The following MCF2L2 variants were observed in gnomAD, a reference collection of about 807,000 sequenced individuals.
The protein encoded by MCF2L2 is MCF.2 cell line derived transforming sequence-like 2, also known as probable guanine nucleotide exchange factor MCF2L2.
In MCF2L2, 102 loss-of-function variants were observed where a neutral mutation model predicts 150.2. The observed-to-expected ratio is 0.68, with a 90% CI of 0.58 to 0.80. The LOEUF (loss-of-function observed/expected upper bound fraction) is 0.80, where lower values mean the gene tolerates loss of function less well. MCF2L2 is among the 30% of genes least tolerant of loss of function. The probability of loss-of-function intolerance (pLI) is 0.00; values close to 1 mark genes in which losing one functional copy is unlikely to be tolerated. For synonymous variants in MCF2L2, 465 were observed against 491.3 expected (o/e 0.95, Z 0.71); for missense variants, 1,256 against 1,372.8 (o/e 0.91, Z 1.34).
intron 1 of MCF2L2, among the ~76,000 whole-genome samples, chr3:183,391,865 T>C (rs1398498920): frequency 1.3e-5 from 2 of 152,172 alleles, no homozygotes; most frequent in Non-Finnish European, 2.9e-5. Flanking sequence ...TTCAGTATTA[T>C]TTGTTCATAC....
intron 15 of MCF2L2, among the ~76,000 whole-genome samples, chr3:183,232,459 A>G (rs1723602419): frequency 6.6e-6 from 1 of 152,200 alleles, no homozygotes; most frequent in African/African-American, 2.4e-5. Flanking sequence ...TATCCCAGAC[A>G]GACTTTCTTT....
intron 1 of MCF2L2, among the ~76,000 whole-genome samples, chr3:183,390,145 T>C (rs1714057780): frequency 2.0e-5 from 3 of 152,168 alleles, no homozygotes; most frequent in African/African-American, 7.2e-5. Context: ...GAAGGACATT[T>C]TAAACACAAA....
intron 17 of MCF2L2, among the ~76,000 whole-genome samples, chr3:183,228,793 G>A (rs1236408150): frequency 6.6e-6 from 1 of 152,086 alleles, no homozygotes; most frequent in Non-Finnish European, 1.5e-5. Flanking sequence ...TGAAAGTAAC[G>A]TTCATAAGAA....
At chr3:183,189,122 A>G (rs1721792958) in intron 27 of MCF2L2, among the ~76,000 whole-genome samples, 2 of 152,192 alleles carry the variant, frequency 1.3e-5, no homozygotes, top group Admixed American at 1.3e-4. Context: ...AAGTGGTAGC[A>G]GCTAGAGCAG....
At chr3:183,194,411 A>G (rs897695766) in intron 26 of MCF2L2, among the ~76,000 whole-genome samples, 1 of 152,240 alleles carries the variant, frequency 6.6e-6, no homozygotes, top group Non-Finnish European at 1.5e-5. Flanking sequence ...GTGTGAGCAC[A>G]TCTTCCTCCC....
intron 20 of MCF2L2, 32 bp downstream of exon 20, chr3:183,223,310 TCCCA>T (rs1723211512): frequency 6.6e-7 from 1 of 1,522,492 alleles, no homozygotes; most frequent in Admixed American, 1.7e-5. Context: ...GCGTCTGGTT[TCCCA>T]CCAAGGAAAA....
At chr3:183,377,288 T>C (rs919118325) in intron 3 of MCF2L2, 1 of 152,166 alleles carries the variant, frequency 6.6e-6, no homozygotes, top group Non-Finnish European at 1.5e-5. Context: ...TGAGAACATG[T>C]GGTGTTTGGT....
chr3:183,349,593 T>A (rs1464593157), intron 3 of MCF2L2, among the ~76,000 whole-genome samples: 1 of 152,244 alleles, frequency 6.6e-6, no homozygotes, highest in Non-Finnish European at 1.5e-5. Flanking sequence ...TAGTCATAGC[T>A]GCTATTTATT....
At chr3:183,409,241 A>AT (rs147172878) in intron 1 of MCF2L2, among the ~76,000 whole-genome samples, 6,418 of 152,140 alleles carry the variant, frequency 0.042, 223 homozygotes, top group Non-Finnish European at 0.052. Flanking sequence ...TTTCTATTTG[A>AT]TTTTTTCAAA....
chr3:183,209,119 A>G (rs1222235259), intron 22 of MCF2L2, among the ~76,000 whole-genome samples: 1 of 152,232 alleles, frequency 6.6e-6, no homozygotes, highest in South Asian at 2.1e-4. Flanking sequence ...TAGGTCCATG[A>G]GGACCCTGGA....
At chr3:183,343,154 C>T (rs942906917) in intron 3 of MCF2L2, among the ~76,000 whole-genome samples, 1 of 152,028 alleles carries the variant, frequency 6.6e-6, no homozygotes, top group Non-Finnish European at 1.5e-5. Flanking sequence ...CAAAAACAAA[C>T]AAAACACTGG....
At chr3:183,291,700 C>T (rs916998823) in intron 13 of MCF2L2, among the ~76,000 whole-genome samples, 2 of 152,164 alleles carry the variant, frequency 1.3e-5, no homozygotes, top group African/African-American at 4.8e-5. Context: ...TGCTGGAGTC[C>T]ACACTCAGTA....
chr3:183,218,645 A>G (rs980990811), intron 21 of MCF2L2, among the ~76,000 whole-genome samples: 2 of 151,908 alleles, frequency 1.3e-5, no homozygotes, highest in African/African-American at 4.9e-5. Flanking sequence ...AAAAAATAAA[A>G]AAATAAGAAA....
At chr3:183,357,851 G>GA (rs35010055) in intron 3 of MCF2L2, among the ~76,000 whole-genome samples, 32,499 of 124,102 alleles carry the variant, frequency 0.26, 4,491 homozygotes, top group African/African-American at 0.43. Context: ...AAAATGTCCA[G>GA]AAAAAAAAAA....
intron 15 of MCF2L2, among the ~76,000 whole-genome samples, chr3:183,257,061 G>C (rs1194549160): frequency 6.6e-6 from 1 of 150,816 alleles, no homozygotes; most frequent in Non-Finnish European, 1.5e-5. Flanking sequence ...AAAAAAACCT[G>C]AAAAAAAAAT....
At chr3:183,329,476 C>T (rs138598946) in intron 5 of MCF2L2, among the ~76,000 whole-genome samples, 1 of 152,292 alleles carries the variant, frequency 6.6e-6, no homozygotes, top group East Asian at 1.9e-4. Context: ...TGTGAGCCAC[C>T]ATGTTTGGCT....
Position 183,366,992 on chromosome 3 carries a change from C to T in MCF2L2, c.275+12305G>A, listed in dbSNP as rs532930593. On this transcript the variant is annotated intron_variant, in intron 3 of 29. Transcript: ENST00000328913. ...CAGGTGAAAATGCACATAAAAAAGTCATTGTCTGACTCTGAAATGAATTAA... is the reference window on the plus strand; with the variant it reads ...CAGGTGAAAATGCACATAAAAAAGTTATTGTCTGACTCTGAAATGAATTAA... Among the ~76,000 whole-genome samples, 740 of 152,246 alleles carry T rather than the reference C, an allele frequency of 4.9e-3. 4 individuals carry two copies. Among genetic ancestry groups the T allele is most frequent in the Middle Eastern group, 0.024 (7 of 294 alleles).
intron 3 of MCF2L2, among the ~76,000 whole-genome samples, chr3:183,349,093 A>C (rs1051268694): frequency 2.0e-5 from 3 of 152,228 alleles, no homozygotes; most frequent in Admixed American, 2.0e-4. Flanking sequence ...AAGTATCAAC[A>C]AATTTTACAT....
chr3:183,192,595 C>T lies in MCF2L2; in HGVS notation c.3016+404G>A, dbSNP rs184081618. On this transcript the variant is annotated intron_variant, in intron 27 of 29. Coordinates refer to ENST00000328913, the MANE Select transcript of MCF2L2 (RefSeq NM_015078.4). ...CCTGGACAAGGGGATAATTCGTGTA[C>T]CAAGCAAGACACAGCGGAAGGCGCC... 61 of 158,814 alleles carry T rather than the reference C, an allele frequency of 3.8e-4. 1 individual carries two copies. The Admixed American group carries it at 3.9e-3, about 10-fold the overall frequency. The allele number at this position is 158,814 out of a possible 1,614,324, so 9.8% of individuals were successfully genotyped here.
Sources: gnomAD v4.1 joint callset for allele counts (sites outside exome capture counted in the v4.1 genomes callset) on GRCh38, gnomAD v4.1.1 for gene constraint, MANE v1.5 for transcripts, NCBI Gene and HGNC (gene_info 2026-07-23, HGNC 2026-07-21) for gene names.